SFMBT1: variants seen among roughly 807,000 people sequenced by gnomAD.
SFMBT1 encodes Scm like with four mbt domains 1, also known as scm-like with four MBT domains protein 1.
Under a neutral mutation model 108.7 loss-of-function variants are expected in SFMBT1, and 32 were observed. The ratio of observed to expected loss-of-function variants is 0.29; its 90% CI spans 0.22 to 0.40. The LOEUF (loss-of-function observed/expected upper bound fraction) is 0.40, where lower values mean the gene tolerates loss of function less well. SFMBT1 is among the 10% of genes least tolerant of loss of function. The probability of loss-of-function intolerance (pLI) is 1.00; values close to 1 mark genes in which losing one functional copy is unlikely to be tolerated. For missense variants in SFMBT1, 816 were observed against 1,059.6 expected (o/e 0.77, Z 3.19); for synonymous variants, 348 against 369.5 (o/e 0.94, Z 0.67).
chr3:52,961,183 T>C (rs1228038806), intron 2 of SFMBT1, among the ~76,000 whole-genome samples: 1 of 151,668 alleles, frequency 6.6e-6, no homozygotes, highest in Non-Finnish European at 1.5e-5. Context: ...ATGAAGACAT[T>C]ATGCTAAGAG....
At chr3:53,034,071 C>CAAAAAAAA (rs61046895) in intron 1 of SFMBT1, among the ~76,000 whole-genome samples, 1 of 28,684 alleles carries the variant, frequency 3.5e-5, no homozygotes, top group Non-Finnish European at 6.5e-5. Context: ...ACTCTGTCTC[C>CAAAAAAAA]AAAAAAAAAA....
At position 52,906,204 on chromosome 3, in the gene SFMBT1, T is replaced by A; in HGVS notation, c.2369A>T (p.Asp790Val). The change falls in exon 20 of 21, where the codon GAC becomes GTC. Residue 790 changes from aspartate to valine, a missense_variant. This residue lies in a region of SFMBT1 where 177 missense variants were observed against 182.0 expected (regional missense o/e 0.97). Coordinates refer to ENST00000394752, the MANE Select transcript of SFMBT1 (RefSeq NM_016329.4). ...CACACTCCACTTCAAGGGGTTACTG[T>A]CCAGGTGAAGCCTTTCAGCAACTTC... ...RIEVAERLHL[D>V]SNPLKWSVAD... 6.2e-7 allele frequency: 1 copy of A among 1,614,154 alleles called. No homozygotes were observed. The highest frequency in any genetic ancestry group is 8.5e-7 in the Non-Finnish European group (1 of 1,179,980).
chr3:53,035,141 T>G (rs1434350359), intron 1 of SFMBT1, among the ~76,000 whole-genome samples: 1 of 152,286 alleles, frequency 6.6e-6, no homozygotes, highest in Non-Finnish European at 1.5e-5. Context: ...ACAAATGGAC[T>G]GGGCCTGAGT....
At chr3:52,918,648 T>C (rs373533533) in intron 12 of SFMBT1, 122 bp from the exon 13 acceptor site, 22 of 489,360 alleles carry the variant, frequency 4.5e-5, no homozygotes, top group South Asian at 2.0e-4. Flanking sequence ...TGTGTGTATA[T>C]ATGTGTGTGT....
intron 4 of SFMBT1, among the ~76,000 whole-genome samples, 157 bp downstream of exon 4, chr3:52,943,196 G>C (rs530725524): frequency 6.6e-6 from 1 of 152,230 alleles, no homozygotes; most frequent in Admixed American, 6.5e-5. Context: ...ACAGGGAAAT[G>C]TGTATTATTC....
chr3:53,030,305 T>C (rs1158648378), intron 1 of SFMBT1, among the ~76,000 whole-genome samples: 6 of 152,016 alleles, frequency 3.9e-5, no homozygotes, highest in African/African-American at 1.2e-4. Flanking sequence ...TTTACACACA[T>C]AGAATGTTTC....
At chr3:52,930,577 A>T in intron 7 of SFMBT1, 147 bp from the exon 8 acceptor site, 2 of 596,328 alleles carry the variant, frequency 3.4e-6, no homozygotes, top group Non-Finnish European at 5.9e-6. Flanking sequence ...TATCCAATAT[A>T]ATTTTCTACT....
chr3:53,016,372 T>C (rs1482069461), intron 1 of SFMBT1, among the ~76,000 whole-genome samples: 1 of 152,172 alleles, frequency 6.6e-6, no homozygotes, highest in Non-Finnish European at 1.5e-5. Flanking sequence ...AGGGTGAACA[T>C]ATATCCAACT....
chr3:52,930,896 A>T (rs748187501), intron 7 of SFMBT1, 45 bp downstream of exon 7: 1 of 1,534,552 alleles, frequency 6.5e-7, no homozygotes. Flanking sequence ...GCTTTACTCT[A>T]CTGTAAGGGG....
chr3:53,039,717 C>T (rs151013355), intron 1 of SFMBT1, among the ~76,000 whole-genome samples: 2 of 152,156 alleles, frequency 1.3e-5, no homozygotes, highest in African/African-American at 2.4e-5. Context: ...TCACTGCAAC[C>T]CCCACCTCCT....
intron 3 of SFMBT1, among the ~76,000 whole-genome samples, chr3:52,945,820 A>AG (rs1421218282): frequency 1.3e-5 from 2 of 151,970 alleles, no homozygotes; most frequent in Non-Finnish European, 2.9e-5. Flanking sequence ...CAAAAAAAAA[A>AG]AAAAGAAAAA....
intron 7 of SFMBT1, 103 bp from the exon 8 acceptor site, chr3:52,930,533 T>G (rs1324934011): frequency 1.5e-6 from 1 of 678,794 alleles, no homozygotes; most frequent in African/African-American, 1.8e-5. Context: ...TGGTAAATCC[T>G]ATAGTTTTCT....
intron 1 of SFMBT1, among the ~76,000 whole-genome samples, chr3:53,025,789 T>C (rs1699468659): frequency 2.6e-5 from 4 of 152,188 alleles, no homozygotes. Context: ...TGGACTTTGC[T>C]GACTGCTGCC....
rs572934270 is a variant in SFMBT1, at chr3:52,993,559, C to T, written c.-130-24301G>A. Reference sequence around the variant, plus strand: ...TTCCCTATCCCCGACCCCATTCATTCACTTGGCCCTGACCATGCTAAGCAT... The same window carrying T: ...TTCCCTATCCCCGACCCCATTCATTTACTTGGCCCTGACCATGCTAAGCAT... On this transcript the variant is annotated intron_variant, in intron 1 of 20. Coordinates refer to ENST00000394752, the MANE Select transcript of SFMBT1 (RefSeq NM_016329.4). Among the ~76,000 whole-genome samples the T allele has an allele frequency of 4.4e-4, 66 of 150,030 alleles. 7 individuals are homozygous for T. The highest frequency in any genetic ancestry group is 8.7e-4 in the Non-Finnish European group (58 of 67,010).
chr3:53,021,580 C>A, intron 1 of SFMBT1, among the ~76,000 whole-genome samples: 1 of 152,178 alleles, frequency 6.6e-6, no homozygotes, highest in Non-Finnish European at 1.5e-5. Flanking sequence ...TAATTTAAAT[C>A]AGTTGATGGT....
chr3:52,941,914 A>C (rs993209308), intron 4 of SFMBT1, among the ~76,000 whole-genome samples: 1 of 152,000 alleles, frequency 6.6e-6, no homozygotes, highest in Non-Finnish European at 1.5e-5. Context: ...AATAAAATAG[A>C]ACGAAATTAT....
chr3:53,003,887 G>A (rs1698646030), intron 1 of SFMBT1, among the ~76,000 whole-genome samples: 1 of 149,620 alleles, frequency 6.7e-6, no homozygotes, highest in Non-Finnish European at 1.5e-5. Context: ...ATCTTTCTGA[G>A]AAATCAACAA....
chr3:53,019,840 CTAAA>C (rs1699245594), intron 1 of SFMBT1, among the ~76,000 whole-genome samples: 5 of 152,260 alleles, frequency 3.3e-5, no homozygotes, highest in South Asian at 4.2e-4. Context: ...CAGTAACTGA[CTAAA>C]TAGTAAAATC....
chr3:53,043,947 G>C (rs1264243319), intron 1 of SFMBT1, among the ~76,000 whole-genome samples: 1 of 152,194 alleles, frequency 6.6e-6, no homozygotes, highest in African/African-American at 2.4e-5. Flanking sequence ...GTTGCCTTGG[G>C]GAGGGGGAAT....
Sources: allele counts gnomAD v4.1 joint callset (sites outside exome capture counted in the v4.1 genomes callset), GRCh38; gene constraint gnomAD v4.1.1; regional missense constraint gnomAD v4.1.1; transcripts MANE v1.5; gene names NCBI Gene and HGNC (gene_info 2026-07-23, HGNC 2026-07-21).